The following EBF2 variants were observed in gnomAD, a reference collection of about 807,000 sequenced individuals.
EBF2 encodes EBF transcription factor 2.
EBF2 carries 21 observed loss-of-function variants against 72.8 expected under a neutral mutation model. That is an observed-to-expected ratio of 0.29 (90% CI 0.20 to 0.42). The LOEUF (loss-of-function observed/expected upper bound fraction) is 0.42. Among genes scored for constraint, EBF2 ranks in the 10% least tolerant of loss-of-function variants. The pLI, the probability that EBF2 is intolerant of heterozygous loss-of-function variation, is 1.00. For synonymous variants in EBF2, 299 were observed against 274.2 expected (o/e 1.09, Z -0.89); for missense variants, 637 against 731.2 (o/e 0.87, Z 1.49).
At chr8:26,024,349 A>T (rs1805263670) in intron 6 of EBF2, among the ~76,000 whole-genome samples, 1 of 151,938 alleles carries the variant, frequency 6.6e-6, no homozygotes, top group African/African-American at 2.4e-5. Flanking sequence ...TGCAAAGGAT[A>T]TCTACACATC....
chr8:25,905,729 A>C (rs1803021900), intron 7 of EBF2, among the ~76,000 whole-genome samples: 1 of 152,210 alleles, frequency 6.6e-6, no homozygotes, highest in South Asian at 2.1e-4. Flanking sequence ...ATAATAGAAA[A>C]GTTCTGGAAT....
intron 6 of EBF2, among the ~76,000 whole-genome samples, chr8:25,948,043 G>C (rs1803801295): frequency 6.6e-6 from 1 of 152,206 alleles, no homozygotes; most frequent in Admixed American, 6.5e-5. Context: ...GATGCCAGAA[G>C]TTTCCTCCAA....
chr8:25,899,547 G>A (rs1802915411), intron 7 of EBF2, among the ~76,000 whole-genome samples: 3 of 152,226 alleles, frequency 2.0e-5, no homozygotes, highest in South Asian at 2.1e-4. Flanking sequence ...CCTCTCCAAC[G>A]GGTGTGAGAG....
At chr8:25,871,032 A>C (rs1032408661) in intron 10 of EBF2, among the ~76,000 whole-genome samples, 40 of 152,206 alleles carry the variant, frequency 2.6e-4, no homozygotes, top group Non-Finnish European at 7.3e-5. Context: ...AGCCAACACT[A>C]AACCATAAGA....
rs922877098 is a variant in EBF2 at position 26,040,604 on chromosome 8, C to T, written c.408+12G>A. The stretch of plus-strand genomic sequence containing the variant: ...AGACAGGCGAAGAGAAGCCAAGTGG[C>T]CTCCGGCTCACCTGCTTGGTGACCG... On this transcript the variant is annotated intron_variant, in intron 4 of 15. Coordinates refer to ENST00000520164, the MANE Select transcript of EBF2 (RefSeq NM_022659.4). 3.2e-6 allele frequency: 5 copies of T among 1,551,746 alleles called. No individual in the cohort carries two copies. The East Asian group carries it at 1.2e-4, about 38-fold the overall frequency.
chr8:26,033,649 A>G (rs1563214738), intron 5 of EBF2, among the ~76,000 whole-genome samples: 1 of 152,162 alleles, frequency 6.6e-6, no homozygotes, highest in Non-Finnish European at 1.5e-5. Flanking sequence ...TGCTGGGCTT[A>G]ATACCTAGAT....
At chr8:26,041,247 A>T (rs1385971076) in intron 2 of EBF2, 1 of 569,368 alleles carries the variant, frequency 1.8e-6, no homozygotes, top group East Asian at 3.0e-5. Flanking sequence ...AAATGTCCTC[A>T]GAAGTGTGAC....
chr8:25,898,050 C>T (rs1024788702), intron 7 of EBF2, among the ~76,000 whole-genome samples: 5 of 152,266 alleles, frequency 3.3e-5, no homozygotes, highest in Non-Finnish European at 5.9e-5. Flanking sequence ...GAAACATTGT[C>T]GCAGCCTTAA....
rs527315374 is a variant in EBF2 at position 25,917,083 on chromosome 8, C to G, written c.552-8528G>C. ...GCAAGCAGTTGACTGTAAACGGCTG[C>G]TGAAGTGCAAAAACAAGGGGCCAAT... On this transcript the variant is annotated intron_variant, in intron 6 of 15. Coordinates refer to ENST00000520164, the MANE Select transcript of EBF2 (RefSeq NM_022659.4). Among the ~76,000 whole-genome samples the G allele has an allele frequency of 1.4e-4, 22 of 152,138 alleles. 1 individual carries two copies. The South Asian group carries it at 3.3e-3, about 23-fold the overall frequency.
chr8:25,868,285 C>T (rs1276999159), intron 10 of EBF2, among the ~76,000 whole-genome samples: 1 of 152,106 alleles, frequency 6.6e-6, no homozygotes, highest in Non-Finnish European at 1.5e-5. Context: ...GAATTTATTG[C>T]ATTTTTGTGA....
intron 3 of EBF2, 38 bp from the exon 4 acceptor site, chr8:26,040,709 A>G: frequency 1.3e-6 from 2 of 1,549,984 alleles, no homozygotes; most frequent in Non-Finnish European, 1.7e-6. Flanking sequence ...AGGGCCGTAG[A>G]GCCCCTTCCG....
chr8:26,019,016 C>A (rs1365074777), intron 6 of EBF2, among the ~76,000 whole-genome samples: 1 of 148,992 alleles, frequency 6.7e-6, no homozygotes, highest in African/African-American at 2.5e-5. Context: ...AGGCAACATA[C>A]TATTTCAGAG....
At chr8:25,868,687 G>T (rs1802378471) in intron 10 of EBF2, among the ~76,000 whole-genome samples, 1 of 152,100 alleles carries the variant, frequency 6.6e-6, no homozygotes, top group African/African-American at 2.4e-5. Flanking sequence ...TCTTGCCCAG[G>T]CTGATCTTGA....
intron 6 of EBF2, among the ~76,000 whole-genome samples, chr8:26,019,166 A>G (rs1805165150): frequency 6.6e-6 from 1 of 152,170 alleles, no homozygotes; most frequent in African/African-American, 2.4e-5. Flanking sequence ...TCAAATGCCA[A>G]GAAGCTTTTA....
At chr8:25,897,600 A>G (rs1802880993) in intron 7 of EBF2, among the ~76,000 whole-genome samples, 1 of 152,152 alleles carries the variant, frequency 6.6e-6, no homozygotes, top group South Asian at 2.1e-4. Flanking sequence ...TCCACTTACA[A>G]GTGAGAACAT....
intron 10 of EBF2, among the ~76,000 whole-genome samples, chr8:25,872,537 A>G (rs7824277): frequency 0.29 from 43,940 of 151,898 alleles, 6,522 homozygotes; most frequent in South Asian, 0.4. Context: ...GCTTCACTTC[A>G]TCAGATGTGC....
Position 26,042,167 on chromosome 8 carries a change from C to T in EBF2, c.216G>A (p.Ala72=), listed in dbSNP as rs771303415. The part of the protein sequence containing the change: ...RKSNFFHFVL[A]LYDRQGQPVE... ...CCGGCTGGCCCTGCCTGTCATAGAGCGCCAGGACGAAGTGAAAGAAGTTGG... is the reference window on the plus strand; with the variant it reads ...CCGGCTGGCCCTGCCTGTCATAGAGTGCCAGGACGAAGTGAAAGAAGTTGG... Residue 72 remains alanine (A), a synonymous_variant, in exon 2 of 16, where the codon GCG becomes GCA. Transcript: ENST00000520164. 1.9e-6 allele frequency: 3 copies of T among 1,614,152 alleles called. No homozygotes were observed. The South Asian group carries it at 3.3e-5, about 18-fold the overall frequency.
chr8:25,881,798 C>T (rs1349237239), intron 10 of EBF2, among the ~76,000 whole-genome samples: 1 of 152,168 alleles, frequency 6.6e-6, no homozygotes, highest in East Asian at 1.9e-4. Context: ...AGCGGAGGAA[C>T]ACCTGGGTGG....
At chr8:25,929,170 G>T (rs1026788167) in intron 6 of EBF2, among the ~76,000 whole-genome samples, 2 of 152,082 alleles carry the variant, frequency 1.3e-5, no homozygotes, top group Non-Finnish European at 2.9e-5. Context: ...AAATACTCAC[G>T]ACAGTCCTGT....
Sources: gnomAD v4.1 joint callset for allele counts (sites outside exome capture counted in the v4.1 genomes callset) on GRCh38, gnomAD v4.1.1 for gene constraint, MANE v1.5 for transcripts, NCBI Gene and HGNC (gene_info 2026-07-23, HGNC 2026-07-21) for gene names.